ZNF160: variants seen among roughly 807,000 people sequenced by gnomAD.
The protein encoded by ZNF160 is zinc finger protein 160.
Under a neutral mutation model 13.1 loss-of-function variants are expected in ZNF160, and 9 were observed. That is an observed-to-expected ratio of 0.69 (90% CI 0.41 to 1.20). ZNF160 has a LOEUF of 1.20. Among genes scored for constraint, ZNF160 ranks in the 50% most tolerant of loss-of-function variants. The pLI is 0.01. For missense variants in ZNF160, 838 were observed against 988.0 expected, an observed-to-expected ratio of 0.85 and a Z score of 2.04; for synonymous variants, 293 against 333.2, an observed-to-expected ratio of 0.88 and a Z score of 1.31.
In ZNF160 at chr19:53,069,749, C is replaced by A; in HGVS notation, c.785G>T (p.Cys262Phe). Residue 262 changes from cysteine (C) to phenylalanine (F), a missense_variant, in exon 6 of 6, where the codon TGT (cysteine) becomes TTT (phenylalanine). Physicochemically the swap from Cys to Phe is radical, Grantham distance 205. Around this residue, in one of 3 missense-constraint regions of ZNF160, gnomAD observed 387 missense variants for 402.3 expected, o/e 0.96. Transcript: ENST00000683776. The surrounding 1 kb of genome is among the most constrained non-coding windows in gnomAD (Gnocchi z 4.4). ...CGAATTCTGAGTGAACGCCTTGCCA[C>A]ATTCATTACATTTATAAGGTTTTCC... ...SCGKPYKCNE[C>F]GKAFTQNSNL... 2 of 1,614,204 alleles carry A rather than the reference C, an allele frequency of 1.2e-6. No homozygotes were observed. The highest frequency in any genetic ancestry group is 1.7e-6 in the Non-Finnish European group (2 of 1,180,028).
chr19:53,086,995 G>A (rs1413327903), intron 2 of ZNF160, among the ~76,000 whole-genome samples: 1 of 152,218 alleles, frequency 6.6e-6, no homozygotes, highest in African/African-American at 2.4e-5. Context: ...ATGGACCAGA[G>A]GTGGGGGTGA....
chr19:53,076,390 A>G (rs1195068701), intron 3 of ZNF160, among the ~76,000 whole-genome samples: 1 of 152,210 alleles, frequency 6.6e-6, no homozygotes, highest in African/African-American at 2.4e-5. Context: ...CCTGTAATCC[A>G]GCACTTTGAA....
chr19:53,096,649 G>T (rs11669168), intron 1 of ZNF160, among the ~76,000 whole-genome samples: 31,699 of 130,706 alleles, frequency 0.24, 431 homozygotes, highest in South Asian at 0.31. Context: ...TGGGTCTTGC[G>T]TGGGGCAAAC....
At chr19:53,073,567 A>T (rs1332119147) in intron 5 of ZNF160, 2 of 1,521,368 alleles carry the variant, frequency 1.3e-6, no homozygotes, top group Admixed American at 4.2e-5. Flanking sequence ...AGGACTAAGG[A>T]CTATGGAGGC....
At chr19:53,102,449 C>CT (rs1212070017) in intron 1 of ZNF160, among the ~76,000 whole-genome samples, 2 of 152,208 alleles carry the variant, frequency 1.3e-5, no homozygotes, top group Non-Finnish European at 2.9e-5. Context: ...CCCCCACTCT[C>CT]TGTCTGAGGA....
intron 3 of ZNF160, among the ~76,000 whole-genome samples, chr19:53,082,541 G>C (rs568176642): frequency 6.6e-6 from 1 of 152,048 alleles, no homozygotes; most frequent in Non-Finnish European, 1.5e-5. Context: ...ATGGTGGTGC[G>C]TGCCTATAGT....
At position 53,075,202 on chromosome 19, in the gene ZNF160, T is replaced by C. The variant is rs1258884219; in HGVS notation, c.16-19A>G. On this transcript the variant is annotated intron_variant, in intron 3 of 5. Coordinates refer to ENST00000683776, the MANE Select transcript of ZNF160 (RefSeq NM_001322131.2). ...ACCGTACCTAAAATGAAAAACACAT[T>C]TCACCAAGTGGCTAAGGGGAGAGTT... 1.2e-6 allele frequency: 2 copies of C among 1,612,390 alleles called. No homozygotes were observed. The highest frequency in any genetic ancestry group is 1.1e-5 in the South Asian group (1 of 90,792).
chr19:53,079,214 C>CA (rs1555765544), intron 3 of ZNF160, among the ~76,000 whole-genome samples: 1 of 151,552 alleles, frequency 6.6e-6, no homozygotes, highest in East Asian at 1.9e-4. Context: ...TCAATCGGTG[C>CA]AAAAAAAAGT....
chr19:53,078,221 CAA>C (rs1318585565), intron 3 of ZNF160, among the ~76,000 whole-genome samples: 1 of 149,722 alleles, frequency 6.7e-6, no homozygotes, highest in African/African-American at 2.5e-5. Context: ...GCCTGGGAAA[CAA>C]GAGTTGCCAC....
At position 53,067,933 on chromosome 19, in the gene ZNF160, T is replaced by C; in HGVS notation, c.*144A>G. ...CCCTCTGCCACATATGTTTACATGATGTCTCTTGCTTATGGCCTCTCATAT... is the reference window on the plus strand; with the variant it reads ...CCCTCTGCCACATATGTTTACATGACGTCTCTTGCTTATGGCCTCTCATAT... On this transcript the variant is annotated 3_prime_UTR_variant, in exon 6 of 6. Coordinates refer to ENST00000683776, the MANE Select transcript of ZNF160 (RefSeq NM_001322131.2). 6.1e-6 allele frequency: 7 copies of C among 1,149,996 alleles called. No homozygotes were observed. Among genetic ancestry groups the C allele is most frequent in the Non-Finnish European group, 8.5e-6 (7 of 821,006 alleles). 71.2% of individuals were successfully genotyped at this position (1,149,996 alleles called of 1,614,324 possible).
intron 3 of ZNF160, chr19:53,075,772 A>G (rs2084364770): frequency 1.9e-6 from 1 of 518,900 alleles, no homozygotes; most frequent in South Asian, 1.4e-5. Flanking sequence ...GTGTTATGTG[A>G]GCCACTCAAG....
At chr19:53,096,717 A>G (rs2085251431) in intron 1 of ZNF160, among the ~76,000 whole-genome samples, 1 of 127,174 alleles carries the variant, frequency 7.9e-6, no homozygotes, top group Non-Finnish European at 1.7e-5. Context: ...GGCAGGCAGG[A>G]GACCTGAGGG....
chr19:53,077,740 A>G (rs2084454243), intron 3 of ZNF160, among the ~76,000 whole-genome samples: 1 of 151,448 alleles, frequency 6.6e-6, no homozygotes, highest in Non-Finnish European at 1.5e-5. Flanking sequence ...AAATCACCAC[A>G]AAGTAATACT....
chr19:53,091,215 G>T (rs1017833612), intron 2 of ZNF160, 198 bp downstream of exon 2: 1 of 152,128 alleles, frequency 6.6e-6, no homozygotes, highest in Non-Finnish European at 1.5e-5. Context: ...TTATTTAAAC[G>T]TGGTGGTGGT....
chr19:53,102,447 C>G (rs1390729003), intron 1 of ZNF160, among the ~76,000 whole-genome samples: 1 of 152,186 alleles, frequency 6.6e-6, no homozygotes, highest in Non-Finnish European at 1.5e-5. Flanking sequence ...CTCCCCCACT[C>G]TCTGTCTGAG....
chr19:53,069,763 A>G lies in ZNF160; in HGVS notation c.771T>C (p.Tyr257=), dbSNP rs762192604. The change falls in exon 6 of 6, where the codon TAT becomes TAC. Residue 257 remains tyrosine, a synonymous_variant. Transcript: ENST00000683776. The surrounding 1 kb of genome is among the most constrained non-coding windows in gnomAD (Gnocchi z 4.4). ...ACGCCTTGCCACATTCATTACATTT[A>G]TAAGGTTTTCCACAACTGTTTGCTT... The part of the protein sequence containing the change: ...RRKANSCGKP[Y]KCNECGKAFT... 18 of 1,614,094 alleles carry G rather than the reference A, an allele frequency of 1.1e-5. No homozygotes were observed. The highest frequency in any genetic ancestry group is 1.6e-4 in the Middle Eastern group (1 of 6,084).
At chr19:53,082,835 C>G (rs562854597) in intron 3 of ZNF160, among the ~76,000 whole-genome samples, 14 of 152,316 alleles carry the variant, frequency 9.2e-5, no homozygotes, top group African/African-American at 3.4e-4. Flanking sequence ...GTTGAGGGTT[C>G]AGTCCCACTT....
At position 53,070,073 on chromosome 19, in the gene ZNF160, C is replaced by T. The variant is rs867041508; in HGVS notation, c.461G>A (p.Gly154Glu). The change falls in exon 6 of 6, where the codon GGA (glycine) becomes GAA (glutamate). Residue 154 changes from glycine to glutamate, a missense_variant. By Grantham distance (98) the Gly-to-Glu change is moderately conservative. Transcript: ENST00000683776. Reference sequence around the variant, plus strand: ...ACCTTCTTTCTGGGCCATAAGCACTCCCTTGTAATTTCCTGTGTCATCTCT... The same window carrying T: ...ACCTTCTTTCTGGGCCATAAGCACTTCCTTGTAATTTCCTGTGTCATCTCT... ...QWRDDTGNYKGVLMAQKEGKR... is the reference protein window; with the variant it reads ...QWRDDTGNYKEVLMAQKEGKR... 6.2e-7 allele frequency: 1 copy of T among 1,614,122 alleles called. No individual in the cohort carries two copies. The highest frequency in any genetic ancestry group is 1.6e-4 in the Middle Eastern group (1 of 6,062).
chr19:53,089,385 G>A (rs939955607), intron 2 of ZNF160, among the ~76,000 whole-genome samples: 4 of 152,130 alleles, frequency 2.6e-5, no homozygotes, highest in African/African-American at 9.7e-5. Context: ...TACATTGACT[G>A]TACACTATTA....
Sources: allele counts gnomAD v4.1 joint callset (sites outside exome capture counted in the v4.1 genomes callset), GRCh38; gene constraint gnomAD v4.1.1; regional missense constraint gnomAD v4.1.1; non-coding constraint Gnocchi (gnomAD v3.1); transcripts MANE v1.5; gene names NCBI Gene and HGNC (gene_info 2026-07-23, HGNC 2026-07-21).